The following NAA35 variants were observed in gnomAD, a reference collection of about 807,000 sequenced individuals.
The protein encoded by NAA35 is N-alpha-acetyltransferase 35, NatC auxiliary subunit, also known as MAK10 homolog, amino-acid N-acetyltransferase subunit.
In NAA35, 18 loss-of-function variants were observed where a neutral mutation model predicts 101.7. The ratio of observed to expected loss-of-function variants is 0.18; its 90% CI spans 0.12 to 0.26. NAA35 has a LOEUF of 0.26. Ranked by LOEUF, NAA35 falls within the 10% of genes least tolerant of loss-of-function variation. NAA35 has a pLI of 1.00. For synonymous variants in NAA35, 267 were observed against 273.1 expected (o/e 0.98, Z 0.22); for missense variants, 601 against 886.8 (o/e 0.68, Z 4.09).
At position 85,971,358 on chromosome 9, in the gene NAA35, T is replaced by C. The variant is rs73474725; in HGVS notation, c.517-3609T>C. Among the ~76,000 whole-genome samples, 1,264 of 152,288 alleles carry C rather than the reference T, an allele frequency of 8.3e-3. 24 individuals carry two copies. The highest frequency in any genetic ancestry group is 0.029 in the African/African-American group (1,218 of 41,546). ...GTTGACACACTGTGAAATACTTTTT[T>C]CTCTTTGTCTTCTTAATACCAGTCT... On this transcript the variant is annotated intron_variant, in intron 6 of 22. Transcript: ENST00000361671.
At position 85,976,740 on chromosome 9, in the gene NAA35, T is replaced by C. The variant is rs1413205841; in HGVS notation, c.678+5T>C. 1.9e-6 allele frequency: 3 copies of C among 1,586,784 alleles called. No homozygotes were observed. ...GATCCAGAAGTTGAACTAGAAGTAA[T>C]TGAACTTATTTTCTGGTAGATAATA... On this transcript the variant is annotated splice_donor_5th_base_variant and intron_variant, in intron 9 of 22. Transcript: ENST00000361671.
intron 2 of NAA35, among the ~76,000 whole-genome samples, chr9:85,953,393 TC>T (rs1829107426): frequency 6.6e-6 from 1 of 152,038 alleles, no homozygotes; most frequent in Non-Finnish European, 1.5e-5. Context: ...ATCATTCCTC[TC>T]CCCATTCTCT....
intron 8 of NAA35, 102 bp downstream of exon 8, chr9:85,975,259 T>TG (rs1587603114): frequency 1.7e-6 from 2 of 1,179,404 alleles, no homozygotes; most frequent in East Asian, 4.8e-5. Flanking sequence ...CTCCTGTATG[T>TG]GCTTTGTATT....
At chr9:85,959,396 A>G (rs925825916) in intron 4 of NAA35, among the ~76,000 whole-genome samples, 3 of 151,502 alleles carry the variant, frequency 2.0e-5, no homozygotes, top group Non-Finnish European at 4.4e-5. Context: ...AAAACAAAAA[A>G]AAAAACTTTA....
In NAA35 at chr9:85,942,405, C is replaced by T. The variant is rs550333382; in HGVS notation, c.124+122C>T. On this transcript the variant is annotated intron_variant, in intron 2 of 22. Transcript: ENST00000361671. ...AAATGTGGTTTGTTGAGTTTGTTAG[C>T]CACACTTATTCTGTATCCTCTAATT... The T allele has an allele frequency of 6.5e-5, 86 of 1,316,950 alleles. No individual in the cohort carries two copies. The African/African-American group carries it at 1.2e-3, about 18-fold the overall frequency. 81.6% of individuals were successfully genotyped at this position (1,316,950 alleles called of 1,614,324 possible).
intron 12 of NAA35, 56 bp from the exon 13 acceptor site, chr9:86,003,529 T>G: frequency 9.5e-7 from 1 of 1,055,060 alleles, no homozygotes; most frequent in Admixed American, 2.0e-5. Context: ...GATGAAGTGT[T>G]TTTAGCTTTT....
In NAA35 at chr9:86,022,928, CTG is replaced by C. The variant is rs1295297191; in HGVS notation, c.*971_*972del. 6.6e-6 allele frequency among the ~76,000 whole-genome samples: 1 copy of C among 152,072 alleles called. No homozygotes were observed. Among genetic ancestry groups the C allele is most frequent in the African/African-American group, 2.4e-5 (1 of 41,406 alleles). On this transcript the variant is annotated 3_prime_UTR_variant, in exon 23 of 23. Transcript: ENST00000361671. ...AATACTCTTAGCAAAATGAGTTACT[CTG>C]TGGTGTAAATTGGCTTTGGTGGCTT...
chr9:85,963,263 C>CTTTTTTTTTTTTT (rs527736196), intron 6 of NAA35, among the ~76,000 whole-genome samples: 1 of 72,296 alleles, frequency 1.4e-5, no homozygotes, highest in Non-Finnish European at 2.5e-5. Flanking sequence ...GAAGGTATGG[C>CTTTTTTTTTTTTT]TTTTTTTTTT....
chr9:85,971,869 TC>T (rs974695922), intron 6 of NAA35, among the ~76,000 whole-genome samples: 4 of 151,192 alleles, frequency 2.6e-5, no homozygotes, highest in African/African-American at 9.7e-5. Context: ...CTTCTTACTC[TC>T]CCCACTGTTG....
intron 6 of NAA35, among the ~76,000 whole-genome samples, chr9:85,965,017 A>T (rs1361373354): frequency 1.3e-5 from 2 of 152,112 alleles, no homozygotes; most frequent in Non-Finnish European, 2.9e-5. Context: ...GTATTTTTTT[A>T]TTCTAGTTCA....
intron 13 of NAA35, among the ~76,000 whole-genome samples, 198 bp from the exon 14 acceptor site, chr9:86,007,160 T>A (rs959414380): frequency 3.9e-5 from 6 of 152,258 alleles, no homozygotes; most frequent in Non-Finnish European, 8.8e-5. Flanking sequence ...GTACATTTTT[T>A]ATCCTACATC....
At chr9:85,941,818 C>T (rs1828531579) in intron 1 of NAA35, 3 of 1,025,762 alleles carry the variant, frequency 2.9e-6, no homozygotes, top group South Asian at 4.0e-5. Context: ...GTGCCTTGGT[C>T]TTTTGTGGCT....
At chr9:85,988,796 C>T (rs1046187262) in intron 11 of NAA35, among the ~76,000 whole-genome samples, 6 of 138,884 alleles carry the variant, frequency 4.3e-5, no homozygotes, top group African/African-American at 1.1e-4. Context: ...AACTCCGTCT[C>T]GAAAAAAAAA....
intron 6 of NAA35, among the ~76,000 whole-genome samples, chr9:85,965,627 C>CA (rs755705844): frequency 6.7e-6 from 1 of 148,406 alleles, no homozygotes; most frequent in Admixed American, 6.7e-5. Flanking sequence ...GACCCTGTCT[C>CA]AAAAAAAGGG....
At chr9:85,976,016 T>C (rs1830194586) in intron 8 of NAA35, among the ~76,000 whole-genome samples, 1 of 152,204 alleles carries the variant, frequency 6.6e-6, no homozygotes, top group Admixed American at 6.5e-5. Context: ...TCATATTCTC[T>C]TTTTTTGATT....
Position 86,009,904 on chromosome 9 carries a change from C to T in NAA35, c.1263C>T (p.Ile421=), listed in dbSNP as rs751900708. ...ATAATCACCAGGCTAAGGACTGTAT[C>T]GACTCCTTTGTTACTCACTGTGTTC... ...LYNNHQAKDC[I]DSFVTHCVRP... The change falls in exon 15 of 23, where the codon ATC becomes ATT. Residue 421 remains isoleucine (I), a synonymous_variant. Transcript: ENST00000361671. The T allele has an allele frequency of 8.1e-6, 13 of 1,613,010 alleles. No homozygotes were observed. Among genetic ancestry groups the T allele is most frequent in the African/African-American group, 1.3e-5 (1 of 74,870 alleles).
intron 12 of NAA35, among the ~76,000 whole-genome samples, chr9:85,999,583 G>GGCCC (rs1299997063): frequency 2.6e-5 from 4 of 152,162 alleles, no homozygotes; most frequent in Non-Finnish European, 5.9e-5. Flanking sequence ...AGGAAACCAT[G>GGCCC]GCCCATTCCA....
chr9:85,958,147 G>A (rs543400990), intron 3 of NAA35, among the ~76,000 whole-genome samples: 10 of 152,060 alleles, frequency 6.6e-5, no homozygotes, highest in Admixed American at 2.6e-4. Flanking sequence ...CTCCATGTTG[G>A]TCAGGCTGGT....
intron 8 of NAA35, among the ~76,000 whole-genome samples, chr9:85,975,725 A>C (rs1468824657): frequency 3.3e-5 from 5 of 152,118 alleles, no homozygotes; most frequent in Admixed American, 3.3e-4. Context: ...ACTTTTTGCC[A>C]GTGTTTTAGA....
Sources: allele counts gnomAD v4.1 joint callset (sites outside exome capture counted in the v4.1 genomes callset), GRCh38; gene constraint gnomAD v4.1.1; transcripts MANE v1.5; gene names NCBI Gene and HGNC (gene_info 2026-07-23, HGNC 2026-07-21).